PCSK5: variants seen among roughly 807,000 people sequenced by gnomAD.
PCSK5 encodes prohormone convertase 5.
In PCSK5, 129 loss-of-function variants were observed where a neutral mutation model predicts 233.2. The ratio of observed to expected loss-of-function variants is 0.55; its 90% CI spans 0.48 to 0.64. The LOEUF (loss-of-function observed/expected upper bound fraction) is 0.64. Among genes scored for constraint, PCSK5 ranks in the 30% least tolerant of loss-of-function variants. The probability of loss-of-function intolerance (pLI) is 0.00; values close to 1 mark genes in which losing one functional copy is unlikely to be tolerated. For synonymous variants in PCSK5, 825 were observed against 879.2 expected, an observed-to-expected ratio of 0.94 and a Z score of 1.09; for missense variants, 2,076 against 2,430.1, an observed-to-expected ratio of 0.85 and a Z score of 3.06.
intron 17 of PCSK5, among the ~76,000 whole-genome samples, chr9:76,188,308 T>A (rs73650474): frequency 0.064 from 9,786 of 151,918 alleles, 376 homozygotes; most frequent in African/African-American, 0.066. Context: ...AGTAGGAGTG[T>A]GCCCATCAGT....
At chr9:76,179,250 T>C (rs971996547) in intron 14 of PCSK5, among the ~76,000 whole-genome samples, 1 of 152,222 alleles carries the variant, frequency 6.6e-6, no homozygotes, top group East Asian at 1.9e-4. Flanking sequence ...ATCTTTTTAC[T>C]ATTACACATA....
At chr9:76,071,998 G>A in intron 7 of PCSK5, 100 bp downstream of exon 7, 3 of 1,173,928 alleles carry the variant, frequency 2.6e-6, no homozygotes, top group Admixed American at 2.3e-5. Context: ...GAACTGGATG[G>A]AGCTCCTAGG....
chr9:76,241,181 C>A (rs1316818085), intron 24 of PCSK5, among the ~76,000 whole-genome samples: 4 of 152,186 alleles, frequency 2.6e-5, no homozygotes, highest in African/African-American at 4.8e-5. Context: ...GTGGCTCATG[C>A]CTGTAATCCC....
chr9:76,333,036 C>T lies in PCSK5; in HGVS notation c.4748+426C>T, dbSNP rs534967012. ...AAATATTAAAATAAGATTAGCTGGG[C>T]ATGGTGCCATCAGGCTATAGTCCCA... On this transcript the variant is annotated intron_variant, in intron 34 of 37. Transcript: ENST00000674117. 1.8e-4 allele frequency among the ~76,000 whole-genome samples: 27 copies of T among 152,296 alleles called. No individual in the cohort carries two copies. In the South Asian group the frequency reaches 5.0e-3, roughly 28 times the overall value.
chr9:76,238,849 A>G lies in PCSK5; in HGVS notation c.2867-110A>G, dbSNP rs552329113. On this transcript the variant is annotated intron_variant, in intron 22 of 37. Transcript: ENST00000674117. ...TCCTTACACCCCTCATCCACTAGGA[A>G]AAAAAAGCACTCAGTCGCATCTTTT... 7 of 780,242 alleles carry G rather than the reference A, an allele frequency of 9.0e-6. No homozygotes were observed. The East Asian group carries it at 1.9e-4, about 21-fold the overall frequency. The allele number at this position is 780,242 out of a possible 1,614,324, so 48.3% of individuals were successfully genotyped here. A position where few individuals can be genotyped will look rare whatever the true frequency, so the allele number is the denominator to read the frequency against.
intron 1 of PCSK5, among the ~76,000 whole-genome samples, chr9:75,903,612 T>A (rs1004729554): frequency 4.3e-5 from 6 of 138,870 alleles, no homozygotes; most frequent in South Asian, 4.5e-4. Flanking sequence ...ATATATATAT[T>A]ATATATATAT....
intron 2 of PCSK5, among the ~76,000 whole-genome samples, chr9:75,960,040 AC>A (rs925315477): frequency 6.6e-6 from 1 of 152,228 alleles, no homozygotes; most frequent in African/African-American, 2.4e-5. Flanking sequence ...TGTGTCCAAC[AC>A]CAAAGTCCAC....
chr9:76,218,766 G>T (rs1219918310), intron 20 of PCSK5, among the ~76,000 whole-genome samples: 2 of 149,598 alleles, frequency 1.3e-5, no homozygotes, highest in Non-Finnish European at 3.0e-5. Flanking sequence ...ACCCAAAAAT[G>T]TAACCCAGGA....
intron 21 of PCSK5, among the ~76,000 whole-genome samples, chr9:76,229,369 A>G (rs1024233791): frequency 6.6e-6 from 1 of 152,224 alleles, no homozygotes; most frequent in Non-Finnish European, 1.5e-5. Context: ...CACTGGGTTT[A>G]GCTCCTTAAA....
intron 3 of PCSK5, among the ~76,000 whole-genome samples, chr9:75,992,019 C>T (rs1826788143): frequency 6.6e-6 from 1 of 152,030 alleles, no homozygotes; most frequent in African/African-American, 2.4e-5. Flanking sequence ...TCACTTGAGT[C>T]TAGGAGGTCG....
chr9:76,246,800 A>C (rs1323838004), intron 24 of PCSK5, among the ~76,000 whole-genome samples: 3 of 152,250 alleles, frequency 2.0e-5, no homozygotes, highest in Non-Finnish European at 4.4e-5. Flanking sequence ...ACACACTGTT[A>C]CATGGAAGGC....
At chr9:76,230,260 T>C (rs1826035293) in intron 21 of PCSK5, among the ~76,000 whole-genome samples, 1 of 152,186 alleles carries the variant, frequency 6.6e-6, no homozygotes. Flanking sequence ...TTAGAAATAA[T>C]CATCCTCTTA....
At chr9:76,016,022 G>A (rs180712672) in intron 3 of PCSK5, among the ~76,000 whole-genome samples, 2 of 152,210 alleles carry the variant, frequency 1.3e-5, no homozygotes, top group Non-Finnish European at 1.5e-5. Flanking sequence ...TCCCTGACTC[G>A]CCCTTTGGCT....
At chr9:76,276,567 C>A (rs1827693810) in intron 24 of PCSK5, among the ~76,000 whole-genome samples, 1 of 152,158 alleles carries the variant, frequency 6.6e-6, no homozygotes, top group African/African-American at 2.4e-5. Flanking sequence ...TTGAAGGGGA[C>A]AAGCTTTCCC....
chr9:76,015,764 A>G (rs779372293), intron 3 of PCSK5, among the ~76,000 whole-genome samples: 28 of 152,100 alleles, frequency 1.8e-4, no homozygotes, highest in Admixed American at 5.2e-4. Flanking sequence ...TGATGCACGG[A>G]TTTTCTCCTG....
intron 3 of PCSK5, among the ~76,000 whole-genome samples, chr9:76,011,319 C>A (rs543500701): frequency 6.6e-6 from 1 of 152,300 alleles, no homozygotes; most frequent in East Asian, 1.9e-4. Context: ...TGCCACTGTG[C>A]AAGAAGCCCT....
At chr9:76,046,155 CTTTTGTTT>C (rs1829364319) in intron 5 of PCSK5, among the ~76,000 whole-genome samples, 8 of 55,710 alleles carry the variant, frequency 1.4e-4, no homozygotes, top group African/African-American at 3.1e-4. Flanking sequence ...ATAATTTTTT[CTTTTGTTT>C]TTTTTTTTTT....
At position 75,986,186 on chromosome 9, in the gene PCSK5, T is replaced by G; in HGVS notation, c.352T>G (p.Phe118Val). Residue 118 changes from phenylalanine to valine, a missense_variant, in exon 3 of 38, where the codon TTC (phenylalanine) becomes GTC (valine). Around this residue, in one of 6 missense-constraint regions of PCSK5, gnomAD observed 190 missense variants for 216.3 expected, o/e 0.88. Transcript: ENST00000674117. ...VKKRTKRDYD[F>V]SRAQSTYFND... ...AAAGCGGACAAAGAGGGATTATGAC[T>G]TCAGTCGTGCCCAGTCTACCTATTT... 6.2e-7 allele frequency: 1 copy of G among 1,613,956 alleles called. No homozygotes were observed. Among genetic ancestry groups the G allele is most frequent in the Non-Finnish European group, 8.5e-7 (1 of 1,179,796 alleles).
chr9:76,158,861 T>C (rs1822720190), intron 11 of PCSK5, 122 bp from the exon 12 acceptor site: 3 of 792,716 alleles, frequency 3.8e-6, no homozygotes, highest in Non-Finnish European at 6.2e-6. Context: ...GATAGCACTG[T>C]TGTTTAGTAT....
Sources: gnomAD v4.1 joint callset for allele counts (sites outside exome capture counted in the v4.1 genomes callset) on GRCh38, gnomAD v4.1.1 for gene constraint, gnomAD v4.1.1 regional missense constraint, MANE v1.5 for transcripts, NCBI Gene and HGNC (gene_info 2026-07-23, HGNC 2026-07-21) for gene names.